Variants in PPM1L observed in about 807,000 individuals in gnomAD.
The protein encoded by PPM1L is protein phosphatase 1L.
PPM1L carries 13 observed loss-of-function variants against 31.4 expected under a neutral mutation model. That is an observed-to-expected ratio of 0.41 (90% CI 0.27 to 0.66). The LOEUF (loss-of-function observed/expected upper bound fraction) is 0.66, where lower values mean the gene tolerates loss of function less well. Among genes scored for constraint, PPM1L ranks in the 30% least tolerant of loss-of-function variants. The pLI, the probability that PPM1L is intolerant of heterozygous loss-of-function variation, is 0.29. For synonymous variants in PPM1L, 184 were observed against 175.4 expected (o/e 1.05, Z -0.39); for missense variants, 326 against 453.7 (o/e 0.72, Z 2.56).
intron 1 of PPM1L, among the ~76,000 whole-genome samples, chr3:160,781,625 C>T (rs1337255205): frequency 1.3e-5 from 2 of 152,102 alleles, no homozygotes; most frequent in Non-Finnish European, 2.9e-5. Context: ...CACTCATTTC[C>T]TGCAATAGGA....
intron 2 of PPM1L, among the ~76,000 whole-genome samples, chr3:160,986,161 A>G (rs1716957841): frequency 6.6e-6 from 1 of 152,244 alleles, no homozygotes; most frequent in Non-Finnish European, 1.5e-5. Flanking sequence ...TATGGAAAGC[A>G]TCCAGCTTCT....
chr3:160,781,463 CCAA>C (rs1383386974), intron 1 of PPM1L, among the ~76,000 whole-genome samples: 1 of 152,052 alleles, frequency 6.6e-6, no homozygotes, highest in East Asian at 1.9e-4. Context: ...TCCATGGAAA[CCAA>C]AAAGTTGTCC....
Position 160,777,225 on chromosome 3 carries a change from A to G in PPM1L, c.399+20518A>G, listed in dbSNP as rs149772445. Among the ~76,000 whole-genome samples, 403 of 152,120 alleles carry G rather than the reference A, an allele frequency of 2.6e-3. 1 individual carries two copies. Among genetic ancestry groups the G allele is most frequent in the African/African-American group, 9.4e-3 (391 of 41,510 alleles). On this transcript the variant is annotated intron_variant, in intron 1 of 3. Transcript: ENST00000498165. ...GTAGTCCCAGCTACTTGTGAGGATG[A>G]TGCGGAGGTTGCTTGAGCCCAGGAG...
intron 2 of PPM1L, among the ~76,000 whole-genome samples, chr3:160,970,957 AT>A (rs1212402774): frequency 2.1e-4 from 32 of 151,812 alleles, no homozygotes; most frequent in Non-Finnish European, 7.4e-5. Context: ...CGCCCGGCTA[AT>A]TTTTTGTATT....
chr3:160,876,329 A>C (rs1350022421), intron 1 of PPM1L, among the ~76,000 whole-genome samples: 1 of 151,902 alleles, frequency 6.6e-6, no homozygotes, highest in Non-Finnish European at 1.5e-5. Flanking sequence ...GTGGTTGTGC[A>C]CTCTCCCTGC....
At chr3:160,928,178 T>C (rs1424294664) in intron 1 of PPM1L, among the ~76,000 whole-genome samples, 1 of 152,240 alleles carries the variant, frequency 6.6e-6, no homozygotes, top group East Asian at 1.9e-4. Context: ...TGCTTTTTTG[T>C]ATGACCTTGG....
rs554554024 is a variant in PPM1L, at chr3:160,980,816, G to A, written c.574+18906G>A. ...GGAAGGGAGAGAGGGAGGGAGGGAA[G>A]GAAGGTAGAAGGAAGGAAAGATATA... On this transcript the variant is annotated intron_variant, in intron 2 of 3. Transcript: ENST00000498165. Among the ~76,000 whole-genome samples the A allele has an allele frequency of 2.0e-5, 3 of 151,868 alleles. No individual in the cohort carries two copies. In the East Asian group the frequency reaches 5.8e-4, roughly 29 times the overall value.
chr3:160,940,368 A>G (rs1028250644), intron 1 of PPM1L, among the ~76,000 whole-genome samples: 3 of 152,206 alleles, frequency 2.0e-5, no homozygotes, highest in African/African-American at 4.8e-5. Flanking sequence ...CCCCAAGACC[A>G]TGGGGAAAAT....
Position 161,075,972 on chromosome 3 carries a change from C to G in PPM1L, c.*6815C>G, listed in dbSNP as rs1406229762. 1.3e-5 allele frequency: 2 copies of G among 152,188 alleles called. No individual in the cohort carries two copies. Among genetic ancestry groups the G allele is most frequent in the African/African-American group, 4.8e-5 (2 of 41,450 alleles). The allele number at this position is 152,188 out of a possible 1,614,324, so 9.4% of individuals were successfully genotyped here. A position where few individuals can be genotyped will look rare whatever the true frequency, so the allele number is the denominator to read the frequency against. On this transcript the variant is annotated 3_prime_UTR_variant, in exon 4 of 4. Coordinates refer to ENST00000498165, the MANE Select transcript of PPM1L (RefSeq NM_139245.4). ...AACTGAAGTCAGATAAACACAGTCA[C>G]AGGTACAACTGGGAGCGAGTTTTAA...
At chr3:160,883,359 G>C (rs891438785) in intron 1 of PPM1L, among the ~76,000 whole-genome samples, 1 of 152,116 alleles carries the variant, frequency 6.6e-6, no homozygotes, top group Non-Finnish European at 1.5e-5. Context: ...TCTTAAAAAT[G>C]AAATATGTGT....
intron 2 of PPM1L, among the ~76,000 whole-genome samples, chr3:161,045,280 A>G (rs925270033): frequency 6.6e-6 from 1 of 152,254 alleles, no homozygotes; most frequent in Admixed American, 6.5e-5. Context: ...CCTGATAGAC[A>G]TCTACAGAGC....
intron 1 of PPM1L, among the ~76,000 whole-genome samples, chr3:160,944,742 T>C (rs1296231613): frequency 5.1e-5 from 5 of 97,400 alleles, no homozygotes; most frequent in African/African-American, 1.3e-4. Context: ...TGTTATATAT[T>C]ATATAATATA....
chr3:161,068,109 T>C (rs1463123583), intron 3 of PPM1L, among the ~76,000 whole-genome samples: 1 of 152,204 alleles, frequency 6.6e-6, no homozygotes, highest in Non-Finnish European at 1.5e-5. Flanking sequence ...GATACAATTG[T>C]TAAGTGCATA....
At position 161,062,137 on chromosome 3, in the gene PPM1L, T is replaced by TG. The variant is rs59929268; in HGVS notation, c.575-3258dup. On this transcript the variant is annotated intron_variant, in intron 2 of 3. Transcript: ENST00000498165. ...ATTGTCTGTTCTGTGTCTCTTTTAGTGGGGGGGGAAAAAAAAAAGCCTTTC... is the reference window on the plus strand; with the variant it reads ...ATTGTCTGTTCTGTGTCTCTTTTAGTGGGGGGGGGAAAAAAAAAAGCCTTTC... Among the ~76,000 whole-genome samples the TG allele has an allele frequency of 3.5e-3, 530 of 150,046 alleles. 1 individual carries two copies. Among genetic ancestry groups the TG allele is most frequent in the South Asian group, 8.8e-3 (42 of 4,772 alleles).
chr3:160,931,327 A>G (rs1714778087), intron 1 of PPM1L, among the ~76,000 whole-genome samples: 1 of 152,246 alleles, frequency 6.6e-6, no homozygotes. Flanking sequence ...GGTTGGAGAA[A>G]TTGCTAGAGA....
intron 1 of PPM1L, among the ~76,000 whole-genome samples, chr3:160,894,224 T>G (rs1713257544): frequency 6.6e-6 from 1 of 152,206 alleles, no homozygotes; most frequent in South Asian, 2.1e-4. Flanking sequence ...TCTTACAATT[T>G]AGATGTAGAT....
Position 161,069,057 on chromosome 3 carries a change from C to T in PPM1L, c.983C>T (p.Ala328Val). 6.2e-7 allele frequency: 1 copy of T among 1,614,104 alleles called. No homozygotes were observed. The highest frequency in any genetic ancestry group is 1.1e-5 in the South Asian group (1 of 91,068). Residue 328 changes from alanine to valine, a missense_variant, in exon 4 of 4, where the codon GCC (alanine) becomes GTC (valine). Ala to Val is a moderately conservative substitution (Grantham distance 64). Around this residue, in one of 3 missense-constraint regions of PPM1L, gnomAD observed 201 missense variants for 298.2 expected, o/e 0.67. Transcript: ENST00000498165. ...CGCTTGGATGAACCTCACTTTGGGG[C>T]CAAGAGCATAGTTTTACAGTCATTT... Reference protein sequence around the residue: ...KERLDEPHFGAKSIVLQSFYR... With the variant: ...KERLDEPHFGVKSIVLQSFYR...
In PPM1L at chr3:160,770,174, A is replaced by G. The variant is rs374866611; in HGVS notation, c.399+13467A>G. ...TTCTTTTCTTTTCTTTTTTAAAAAG[A>G]TATGCCATTATATTGACTACAGATA... is the stretch of plus-strand genomic sequence containing the variant. On this transcript the variant is annotated intron_variant, in intron 1 of 3. Transcript: ENST00000498165. 2.8e-4 allele frequency among the ~76,000 whole-genome samples: 42 copies of G among 152,274 alleles called. No homozygotes were observed. The East Asian group carries it at 7.1e-3, about 26-fold the overall frequency.
At chr3:160,980,121 A>G (rs972739593) in intron 2 of PPM1L, among the ~76,000 whole-genome samples, 1 of 152,064 alleles carries the variant, frequency 6.6e-6, no homozygotes, top group African/African-American at 2.4e-5. Context: ...CATCGGTAGC[A>G]TGCTGGTGGG....
Sources: allele counts gnomAD v4.1 joint callset (sites outside exome capture counted in the v4.1 genomes callset), GRCh38; gene constraint gnomAD v4.1.1; regional missense constraint gnomAD v4.1.1; transcripts MANE v1.5; gene names NCBI Gene and HGNC (gene_info 2026-07-23, HGNC 2026-07-21).